Variants in ABLIM1 observed in about 807,000 individuals in gnomAD.
The protein encoded by ABLIM1 is actin-binding LIM protein 1.
In ABLIM1, 40 loss-of-function variants were observed where a neutral mutation model predicts 107.0. That is an observed-to-expected ratio of 0.37 (90% CI 0.29 to 0.49). The LOEUF is 0.49. ABLIM1 is among the 20% of genes least tolerant of loss of function. The pLI is 0.97. For missense variants in ABLIM1, 857 were observed against 1,008.5 expected (o/e 0.85, Z 2.04); for synonymous variants, 357 against 357.3 (o/e 1.00, Z 0.01).
upstream of ABLIM1, chr10:114,658,364 T>C (rs2079628201): frequency 7.6e-7 from 1 of 1,320,448 alleles, no homozygotes. Flanking sequence ...CTCAAGAGCT[T>C]AGGGCACCAT....
chr10:114,774,782 T>C, the ABLIM1 span, among the ~76,000 whole-genome samples: 9 of 152,094 alleles, frequency 5.9e-5, no homozygotes, highest in African/African-American at 7.2e-5. Context: ...TTAAATATTT[T>C]AGATGTAGGC....
At chr10:114,602,183 T>C (rs1294609851) in intron 1 of ABLIM1, among the ~76,000 whole-genome samples, 1 of 152,196 alleles carries the variant, frequency 6.6e-6, no homozygotes, top group Non-Finnish European at 1.5e-5. Context: ...TGTTCCTCAA[T>C]GGAGCCTGCT....
intron 2 of ABLIM1, among the ~76,000 whole-genome samples, chr10:114,576,994 C>G (rs2072668208): frequency 6.6e-6 from 1 of 152,196 alleles, no homozygotes; most frequent in African/African-American, 2.4e-5. Context: ...TCTTCTTCCC[C>G]AGATGAGTCC....
intron 6 of ABLIM1, among the ~76,000 whole-genome samples, chr10:114,501,775 A>T (rs534168724): frequency 2.0e-5 from 3 of 152,310 alleles, no homozygotes; most frequent in African/African-American, 7.2e-5. Context: ...AGTCTCCCCC[A>T]CTAAGAACGT....
intron 19 of ABLIM1, chr10:114,440,797 A>G (rs576245377): frequency 3.1e-6 from 2 of 654,644 alleles, no homozygotes; most frequent in South Asian, 3.0e-5. Context: ...ACATAGTATG[A>G]GCAATGAATA....
chr10:114,487,362 A>G (rs2058342388), intron 8 of ABLIM1, among the ~76,000 whole-genome samples: 1 of 152,248 alleles, frequency 6.6e-6, no homozygotes, highest in African/African-American at 2.4e-5. Context: ...TGAACAGGAC[A>G]GAGATTATGA....
At chr10:114,701,102 T>A (rs2081298887) in intron 1 of ABLIM1, among the ~76,000 whole-genome samples, 1 of 152,044 alleles carries the variant, frequency 6.6e-6, no homozygotes, top group African/African-American at 2.4e-5. Context: ...AGAAAAATAA[T>A]GCAGGTTAAA....
At chr10:114,588,487 C>CTTTT (rs34043960) in intron 2 of ABLIM1, among the ~76,000 whole-genome samples, 886 of 76,562 alleles carry the variant, frequency 0.012, no homozygotes, top group Middle Eastern at 0.039. Context: ...TTCTTTCTTT[C>CTTTT]TTTTTTTTTT....
At chr10:114,607,601 T>C (rs2140142030) in intron 1 of ABLIM1, among the ~76,000 whole-genome samples, 1 of 152,322 alleles carries the variant, frequency 6.6e-6, no homozygotes, top group Middle Eastern at 3.4e-3. Flanking sequence ...ACCTTTGATA[T>C]GATGTGATGA....
chr10:114,481,513 G>C (rs1217894361), intron 8 of ABLIM1, among the ~76,000 whole-genome samples: 1 of 151,984 alleles, frequency 6.6e-6, no homozygotes, highest in Non-Finnish European at 1.5e-5. Flanking sequence ...CACTAGACAA[G>C]GTGGGGATAA....
At chr10:114,524,899 T>C (rs1265685387) in intron 6 of ABLIM1, among the ~76,000 whole-genome samples, 2 of 152,200 alleles carry the variant, frequency 1.3e-5, no homozygotes, top group Admixed American at 1.3e-4. Context: ...AACCAAATGG[T>C]CAGGCAAAAA....
In ABLIM1 at chr10:114,526,648, T is replaced by C. The variant is rs980293880; in HGVS notation, c.894+18357A>G. 38 of 985,396 alleles carry C rather than the reference T, an allele frequency of 3.9e-5. No homozygotes were observed. In the African/African-American group the frequency reaches 5.4e-4, roughly 14 times the overall value. 61.0% of individuals were successfully genotyped at this position (985,396 alleles called of 1,614,324 possible). On this transcript the variant is annotated intron_variant, in intron 6 of 22. Transcript: ENST00000533213. ...AAAGGACATAGGTCACCTTGTGCAA[T>C]GTCCGCTTTACCTCAGGCCAGGGTT... is the stretch of plus-strand genomic sequence containing the variant.
At chr10:114,774,369 C>A in the ABLIM1 span, among the ~76,000 whole-genome samples, 1 of 152,044 alleles carries the variant, frequency 6.6e-6, no homozygotes, top group Non-Finnish European at 1.5e-5. Flanking sequence ...GGAGGAGAAA[C>A]CCAGACAGAG....
At chr10:114,488,155 A>T in intron 7 of ABLIM1, 139 bp from the exon 8 acceptor site, 1 of 912,606 alleles carries the variant, frequency 1.1e-6, no homozygotes, top group South Asian at 1.4e-5. Flanking sequence ...CAAGTGAATC[A>T]TAACACAAAA....
At chr10:114,484,220 T>A (rs2057831733) in intron 8 of ABLIM1, among the ~76,000 whole-genome samples, 1 of 152,122 alleles carries the variant, frequency 6.6e-6, no homozygotes, top group African/African-American at 2.4e-5. Context: ...TCTGGAGAAG[T>A]TACCTAACTA....
intron 1 of ABLIM1, among the ~76,000 whole-genome samples, chr10:114,664,829 CCA>C (rs2079951412): frequency 1.3e-5 from 2 of 151,026 alleles, no homozygotes; most frequent in Non-Finnish European, 3.0e-5. Context: ...CAGGTGTGAG[CCA>C]CGGCCTAATG....
At position 114,579,734 on chromosome 10, in the gene ABLIM1, A is replaced by G. The variant is rs549249660; in HGVS notation, c.380-4135T>C. ...CTTGCAAAACTGAAACTCTGCACCC[A>G]TTAAAATCCCTATTCCCTCTTCCTC... On this transcript the variant is annotated intron_variant, in intron 2 of 22. Transcript: ENST00000533213. Among the ~76,000 whole-genome samples, 81 of 152,336 alleles carry G rather than the reference A, an allele frequency of 5.3e-4. 1 individual carries two copies. The highest frequency in any genetic ancestry group is 9.0e-4 in the Non-Finnish European group (61 of 68,020).
rs141674795 is a variant in ABLIM1, at chr10:114,436,572, A to G, written c.2224-199T>C. 5.3e-3 allele frequency among the ~76,000 whole-genome samples: 811 copies of G among 152,248 alleles called. 6 individuals carry two copies. The highest frequency in any genetic ancestry group is 0.019 in the African/African-American group (777 of 41,546). ...GGTGAGGAGCCCTTCCCATCAGATA[A>G]AAGAGCTGGCAGAGTATTAATGGGG... is the stretch of plus-strand genomic sequence containing the variant. On this transcript the variant is annotated intron_variant, in intron 22 of 22. Coordinates refer to ENST00000533213, the MANE Select transcript of ABLIM1 (RefSeq NM_002313.7).
intron 5 of ABLIM1, among the ~76,000 whole-genome samples, chr10:114,546,676 CTTTTG>C (rs2067388665): frequency 6.6e-6 from 1 of 152,096 alleles, no homozygotes; most frequent in Non-Finnish European, 1.5e-5. Flanking sequence ...CCCAAGCAAC[CTTTTG>C]TTTGCTTGTT....
Sources: allele counts gnomAD v4.1 joint callset (sites outside exome capture counted in the v4.1 genomes callset), GRCh38; gene constraint gnomAD v4.1.1; transcripts MANE v1.5; gene names NCBI Gene and HGNC (gene_info 2026-07-23, HGNC 2026-07-21).